KTN1: variants seen among roughly 807,000 people sequenced by gnomAD.
KTN1 encodes the protein kinectin.
KTN1 carries 130 observed loss-of-function variants against 222.5 expected under a neutral mutation model. The observed-to-expected ratio is 0.58, with a 90% CI of 0.51 to 0.68. The LOEUF is 0.68. Among genes scored for constraint, KTN1 ranks in the 30% least tolerant of loss-of-function variants. The probability of loss-of-function intolerance (pLI) is 0.00; values close to 1 mark genes in which losing one functional copy is unlikely to be tolerated. For missense variants in KTN1, 1,508 were observed against 1,500.4 expected, an observed-to-expected ratio of 1.01 and a Z score of -0.08; for synonymous variants, 512 against 496.3, an observed-to-expected ratio of 1.03 and a Z score of -0.42.
intron 1 of KTN1, among the ~76,000 whole-genome samples, chr14:55,588,937 A>G (rs539045932): frequency 5.5e-4 from 83 of 151,536 alleles, no homozygotes; most frequent in Middle Eastern, 6.8e-3. Context: ...TTTTTTTCAT[A>G]TTGTTGCAGT....
intron 3 of KTN1, 71 bp from the exon 4 acceptor site, chr14:55,617,893 A>G (rs2038614062): frequency 8.9e-7 from 1 of 1,120,092 alleles, no homozygotes; most frequent in Non-Finnish European, 1.3e-6. Flanking sequence ...TTATCATTAA[A>G]TTATGCTTGC....
Position 55,675,854 on chromosome 14 carries a change from A to C in KTN1, c.3791A>C (p.Glu1264Ala). 6.2e-7 allele frequency: 1 copy of C among 1,611,980 alleles called. No homozygotes were observed. Among genetic ancestry groups the C allele is most frequent in the South Asian group, 1.1e-5 (1 of 91,006 alleles). Reference protein sequence around the residue: ...ELNLLKAQLNETLTKLRTEQN... With the variant: ...ELNLLKAQLNATLTKLRTEQN... ...TTACAGTTGAAGGCACAGTTAAATG[A>C]AACACTCACAAAACTTAGAACTGAA... Residue 1264 changes from glutamate to alanine, a missense_variant, in exon 41 of 44, where the codon GAA (glutamate) becomes GCA (alanine). Transcript: ENST00000395314.
rs560453948 is a variant in KTN1 at position 55,627,503 on chromosome 14, C to T, written c.964-409C>T. On this transcript the variant is annotated intron_variant, in intron 5 of 43. Coordinates refer to ENST00000395314, the MANE Select transcript of KTN1 (RefSeq NM_001079521.2). ...TAAGTTCTGGGATACATGTGCAGAA[C>T]GTGCAGGTTTGTTACATAGGTATAC... Among the ~76,000 whole-genome samples the T allele has an allele frequency of 7.2e-5, 11 of 151,940 alleles. No individual in the cohort carries two copies. In the East Asian group the frequency reaches 7.8e-4, roughly 11 times the overall value.
At position 55,645,672 on chromosome 14, in the gene KTN1, C is replaced by T. The variant is rs549199309; in HGVS notation, c.2173-1301C>T. 3.3e-5 allele frequency among the ~76,000 whole-genome samples: 5 copies of T among 152,264 alleles called. No individual in the cohort carries two copies. In the South Asian group the frequency reaches 1.0e-3, roughly 32 times the overall value. ...TGTACTTTTGACAACTCCTATTTCC[C>T]TTCTCATGTTTGGATTATTTTTTCC... On this transcript the variant is annotated intron_variant, in intron 18 of 43. Coordinates refer to ENST00000395314, the MANE Select transcript of KTN1 (RefSeq NM_001079521.2).
In KTN1 at chr14:55,619,950, C is replaced by T. The variant is rs145215424; in HGVS notation, c.963+638C>T. 6.4e-3 allele frequency among the ~76,000 whole-genome samples: 969 copies of T among 152,176 alleles called. 7 individuals are homozygous for T. Among genetic ancestry groups the T allele is most frequent in the African/African-American group, 0.023 (935 of 41,516 alleles). On this transcript the variant is annotated intron_variant, in intron 5 of 43. Coordinates refer to ENST00000395314, the MANE Select transcript of KTN1 (RefSeq NM_001079521.2). ...AAAGTCCACAGTCCAAAGTCTCATC[C>T]GAGACAAGGCAAGTCCCTTCCGCCT... is the stretch of plus-strand genomic sequence containing the variant.
chr14:55,678,350 A>G lies in KTN1; in HGVS notation c.3856-2A>G. On this transcript the variant is annotated splice_acceptor_variant, in intron 41 of 43. Coordinates refer to ENST00000395314, the MANE Select transcript of KTN1 (RefSeq NM_001079521.2). LOFTEE classifies it high-confidence loss of function. ...GTAGCTACCATATTGTTTTCCTTAT[A>G]GGCTCAACAGTCACTGGAGCTTATC... The G allele has an allele frequency of 3.2e-6, 5 of 1,582,940 alleles. No individual in the cohort carries two copies. Among genetic ancestry groups the G allele is most frequent in the Non-Finnish European group, 4.3e-6 (5 of 1,151,786 alleles).
At chr14:55,663,341 A>G (rs992754378) in intron 32 of KTN1, 2 of 179,646 alleles carry the variant, frequency 1.1e-5, no homozygotes, top group South Asian at 2.5e-4. Flanking sequence ...AAGAGAATCT[A>G]TTTTATAGCC....
rs544020158 is a variant in KTN1, at chr14:55,684,334, C to A, written c.*231C>A. On this transcript the variant is annotated 3_prime_UTR_variant, in exon 44 of 44. Coordinates refer to ENST00000395314, the MANE Select transcript of KTN1 (RefSeq NM_001079521.2). ...AATAAAAACTGTTTGAATAATTAGACCTTTACATTCCTGAAGATAAACATG... is the reference window on the plus strand; with the variant it reads ...AATAAAAACTGTTTGAATAATTAGAACTTTACATTCCTGAAGATAAACATG... The A allele has an allele frequency of 1.5e-5, 6 of 387,312 alleles. No homozygotes were observed. The highest frequency in any genetic ancestry group is 1.0e-4 in the African/African-American group (5 of 48,156). 24.0% of individuals were successfully genotyped at this position (387,312 alleles called of 1,614,324 possible). A position where few individuals can be genotyped will look rare whatever the true frequency, so the allele number is the denominator to read the frequency against.
At chr14:55,623,554 A>G (rs763073468) in intron 5 of KTN1, among the ~76,000 whole-genome samples, 22 of 152,076 alleles carry the variant, frequency 1.4e-4, no homozygotes, top group Non-Finnish European at 2.8e-4. Flanking sequence ...TATTTTTTGT[A>G]GAGATGGGGT....
intron 1 of KTN1, among the ~76,000 whole-genome samples, chr14:55,600,060 T>C (rs1451057144): frequency 1.3e-5 from 2 of 151,326 alleles, no homozygotes; most frequent in East Asian, 2.0e-4. Flanking sequence ...TGATAGTATT[T>C]GATGTTCTAA....
chr14:55,619,783 C>G (rs1376930352), intron 5 of KTN1, among the ~76,000 whole-genome samples: 2 of 152,150 alleles, frequency 1.3e-5, no homozygotes, highest in Non-Finnish European at 2.9e-5. Context: ...AGCTACAATT[C>G]AGGATGAGAT....
Position 55,617,971 on chromosome 14 carries a change from A to T in KTN1, c.669A>T (p.Val223=), listed in dbSNP as rs1268745427. The T allele has an allele frequency of 1.3e-6, 2 of 1,578,200 alleles. No individual in the cohort carries two copies. Among genetic ancestry groups the T allele is most frequent in the African/African-American group, 2.7e-5 (2 of 73,096 alleles). Residue 223 remains valine (V), a synonymous_variant, in exon 4 of 44, where the codon GTA becomes GTT. Transcript: ENST00000395314. ...GTTGAACTTAAATTGCAGTCTTCGT[A>T]GATGAACCCCTTATTCATGCAACTA... is the stretch of plus-strand genomic sequence containing the variant. ...SKKQKTENVF[V]DEPLIHATTY...
intron 1 of KTN1, among the ~76,000 whole-genome samples, chr14:55,606,997 G>C (rs2036824353): frequency 6.6e-6 from 1 of 152,100 alleles, no homozygotes; most frequent in South Asian, 2.1e-4. Context: ...CAGTTTCATT[G>C]TTTTATTATA....
chr14:55,629,069 T>G (rs980784053), intron 6 of KTN1, among the ~76,000 whole-genome samples: 1 of 152,094 alleles, frequency 6.6e-6, no homozygotes, highest in African/African-American at 2.4e-5. Context: ...ATAATTAATA[T>G]TTGTTCTAGG....
rs933796345 is a variant in KTN1, at chr14:55,646,409, C to CT, written c.2173-557dup. 1.4e-3 allele frequency among the ~76,000 whole-genome samples: 199 copies of CT among 144,278 alleles called. 2 individuals are homozygous for CT. The highest frequency in any genetic ancestry group is 4.6e-3 in the African/African-American group (181 of 38,932). The allele number at this position is 144,278 out of a possible 152,430, so 94.7% of individuals were successfully genotyped here. On this transcript the variant is annotated intron_variant, in intron 18 of 43. Transcript: ENST00000395314. Reference sequence around the variant, plus strand: ...TTTGTCTGTCTTTCTTTCTTTCTTCCTTTTTTTCCTTTCTTTCCTTCCTTT... The same window carrying CT: ...TTTGTCTGTCTTTCTTTCTTTCTTCCTTTTTTTTCCTTTCTTTCCTTCCTTT...
chr14:55,627,915 A>G lies in KTN1; in HGVS notation c.967A>G (p.Ser323Gly), dbSNP rs754024790. The part of the protein sequence containing the change: ...GVIQDALKKS[S>G]KGELTTLIHQ... ...TGCATTGCTTTCTCAATTGCAGTCAAGTAAGGGAGAATTGACTACGCTTAT... is the reference window on the plus strand; with the variant it reads ...TGCATTGCTTTCTCAATTGCAGTCAGGTAAGGGAGAATTGACTACGCTTAT... Residue 323 changes from serine (S) to glycine (G), a missense_variant, in exon 6 of 44, where the codon AGT becomes GGT. Coordinates refer to ENST00000395314, the MANE Select transcript of KTN1 (RefSeq NM_001079521.2). 1.3e-6 allele frequency: 2 copies of G among 1,592,364 alleles called. No individual in the cohort carries two copies. Among genetic ancestry groups the G allele is most frequent in the South Asian group, 2.2e-5 (2 of 90,180 alleles).
At chr14:55,627,429 T>C (rs889375832) in intron 5 of KTN1, among the ~76,000 whole-genome samples, 2 of 152,126 alleles carry the variant, frequency 1.3e-5, no homozygotes, top group Non-Finnish European at 2.9e-5. Context: ...TTTTTTTTAA[T>C]CTTAGCACCT....
intron 36 of KTN1, 24 bp from the exon 37 acceptor site, chr14:55,671,761 A>C: frequency 6.3e-7 from 1 of 1,581,438 alleles, no homozygotes; most frequent in Non-Finnish European, 8.7e-7. Context: ...GAATTTTTCA[A>C]AACAACTATG....
At chr14:55,637,405 G>A (rs1410387582) in intron 11 of KTN1, 41 bp downstream of exon 11, 3 of 1,368,164 alleles carry the variant, frequency 2.2e-6, no homozygotes, top group Non-Finnish European at 3.0e-6. Flanking sequence ...AAATACAGGT[G>A]GTCACTTATT....
Sources: gnomAD v4.1 joint callset for allele counts (sites outside exome capture counted in the v4.1 genomes callset) on GRCh38, gnomAD v4.1.1 for gene constraint, MANE v1.5 for transcripts, NCBI Gene and HGNC (gene_info 2026-07-23, HGNC 2026-07-21) for gene names.